The following CKAP2 variants were observed in gnomAD, a reference collection of about 807,000 sequenced individuals.
CKAP2 encodes the protein cytoskeleton-associated protein 2.
Under a neutral mutation model 58.4 loss-of-function variants are expected in CKAP2, and 46 were observed. The observed-to-expected ratio is 0.79, with a 90% CI of 0.62 to 1.01. The LOEUF (loss-of-function observed/expected upper bound fraction) is 1.01. CKAP2 is among the 50% of genes least tolerant of loss of function. The pLI is 0.00. For missense variants in CKAP2, 809 were observed against 796.4 expected (o/e 1.02, Z -0.19); for synonymous variants, 293 against 280.9 (o/e 1.04, Z -0.43).
At position 52,476,440 on chromosome 13, in the gene CKAP2, G is replaced by C. The variant is rs545242176; in HGVS notation, c.*1299G>C. 2.0e-5 allele frequency: 3 copies of C among 152,262 alleles called. No individual in the cohort carries two copies. Among genetic ancestry groups the C allele is most frequent in the African/African-American group, 7.2e-5 (3 of 41,560 alleles). 9.4% of individuals were successfully genotyped at this position (152,262 alleles called of 1,614,324 possible). A position where few individuals can be genotyped will look rare whatever the true frequency, so the allele number is the denominator to read the frequency against. On this transcript the variant is annotated 3_prime_UTR_variant, in exon 9 of 9. Transcript: ENST00000258607. ...TTTAGCTTTGCTTTTGAAATACATTGTAAGATTTGACTTGAGGTTTTTGAC... is the reference window on the plus strand; with the variant it reads ...TTTAGCTTTGCTTTTGAAATACATTCTAAGATTTGACTTGAGGTTTTTGAC...
intron 6 of CKAP2, 119 bp downstream of exon 6, chr13:52,465,584 T>C: frequency 1.2e-6 from 1 of 832,740 alleles, no homozygotes; most frequent in Non-Finnish European, 2.0e-6. Context: ...TGGTAATAAA[T>C]GTTTAAAGGC....
chr13:52,475,074 CTG>C lies in CKAP2; in HGVS notation c.1983_1984del (p.Asp662CysfsTer7). Reference sequence around the variant, plus strand: ...CAGCTAACGGAGTTGGGAAGAGAAACTGATGCTTTTGTATGCCGCCCTAATGC... The same window carrying C: ...CAGCTAACGGAGTTGGGAAGAGAAACATGCTTTTGTATGCCGCCCTAATGC... On this transcript the variant is annotated frameshift_variant, in exon 9 of 9. Coordinates refer to ENST00000258607, the MANE Select transcript of CKAP2 (RefSeq NM_018204.5). LOFTEE classifies it low-confidence loss of function (END_TRUNC). 1 of 1,614,196 alleles carries C rather than the reference CTG, an allele frequency of 6.2e-7. No individual in the cohort carries two copies. Among genetic ancestry groups the C allele is most frequent in the Non-Finnish European group, 8.5e-7 (1 of 1,180,030 alleles).
At position 52,461,436 on chromosome 13, in the gene CKAP2, A is replaced by G. The variant is rs1413096731; in HGVS notation, c.610A>G (p.Thr204Ala). 2 of 1,614,222 alleles carry G rather than the reference A, an allele frequency of 1.2e-6. No individual in the cohort carries two copies. Among genetic ancestry groups the G allele is most frequent in the South Asian group, 1.1e-5 (1 of 91,088 alleles). ...AGTCAAAGATGAGAGTTCTGCAGCA[A>G]CAAAGAAACTTTCAGCCACTATACC... ...LQVKDESSAATKKLSATIPKA... is the reference protein window; with the variant it reads ...LQVKDESSAAAKKLSATIPKA... The change falls in exon 4 of 9, where the codon ACA (threonine) becomes GCA (alanine). Residue 204 changes from threonine (T) to alanine (A), a missense_variant. By Grantham distance (58) the Thr-to-Ala change is moderately conservative. Coordinates refer to ENST00000258607, the MANE Select transcript of CKAP2 (RefSeq NM_018204.5).
rs377669665 is a variant in CKAP2, at chr13:52,474,031, G to A, written c.1749G>A (p.Thr583=). The change falls in exon 8 of 9, where the codon ACG becomes ACA. Residue 583 remains threonine (T), a synonymous_variant. Coordinates refer to ENST00000258607, the MANE Select transcript of CKAP2 (RefSeq NM_018204.5). ...ATGTTAAAACCCCCAATACAGAAACGAGGACAAGTTGCTTAATTAAATATA... is the reference window on the plus strand; with the variant it reads ...ATGTTAAAACCCCCAATACAGAAACAAGGACAAGTTGCTTAATTAAATATA... ...THDVKTPNTE[T]RTSCLIKYNV... 3 of 1,613,762 alleles carry A rather than the reference G, an allele frequency of 1.9e-6. No individual in the cohort carries two copies. The highest frequency in any genetic ancestry group is 2.7e-5 in the African/African-American group (2 of 74,914).
rs1594146686 is a variant in CKAP2 at position 52,474,969 on chromosome 13, G to A, written c.1877G>A (p.Arg626His). ...CTGAAGTTTTTAACACCAGTGAGAC[G>A]TTCTCGACGTCTTCAAGAGAAAACT... ...KELKFLTPVR[R>H]SRRLQEKTSK... is the part of the protein sequence containing the mutation. Residue 626 changes from arginine (R) to histidine (H), a missense_variant, in exon 9 of 9, where the codon CGT becomes CAT. Arg to His is a conservative substitution (Grantham distance 29, BLOSUM62 0). Transcript: ENST00000258607. 5 of 1,614,064 alleles carry A rather than the reference G, an allele frequency of 3.1e-6. No homozygotes were observed. Among genetic ancestry groups the A allele is most frequent in the African/African-American group, 2.7e-5 (2 of 75,032 alleles).
In CKAP2 at chr13:52,461,765, A is replaced by G. The variant is rs1265691085; in HGVS notation, c.939A>G (p.Leu313=). The G allele has an allele frequency of 2.5e-6, 4 of 1,614,048 alleles. No individual in the cohort carries two copies. In the South Asian group the frequency reaches 4.4e-5, roughly 18 times the overall value. The change falls in exon 4 of 9, where the codon CTA becomes CTG. Residue 313 remains leucine (L), a synonymous_variant. Coordinates refer to ENST00000258607, the MANE Select transcript of CKAP2 (RefSeq NM_018204.5). ...AAGGTATAATAAGAAATAAGACTCT[A>G]TCAAGATCCATAGCATCTGAAGTTA... ...SSQGIIRNKT[L]SRSIASEVIA...
chr13:52,465,175 C>G (rs1286363526), intron 5 of CKAP2, 120 bp from the exon 6 acceptor site: 1 of 760,512 alleles, frequency 1.3e-6, no homozygotes, highest in East Asian at 2.6e-5. Context: ...ACTAATGTTT[C>G]ATTTTTTTGC....
In CKAP2 at chr13:52,475,189, T is replaced by G; in HGVS notation, c.*48T>G. 1.3e-6 allele frequency: 2 copies of G among 1,591,500 alleles called. No individual in the cohort carries two copies. Among genetic ancestry groups the G allele is most frequent in the South Asian group, 2.3e-5 (2 of 88,040 alleles). ...AATGGGGTTTTTATTATTTGTGGGG[T>G]GTTTTGTTTTGAGTAGCTTTATATT... On this transcript the variant is annotated 3_prime_UTR_variant, in exon 9 of 9. Coordinates refer to ENST00000258607, the MANE Select transcript of CKAP2 (RefSeq NM_018204.5).
At chr13:52,464,352 A>AGACCAGCCTGGCCAACATGGTAAAAC (rs1375164947) in intron 5 of CKAP2, among the ~76,000 whole-genome samples, 1 of 152,184 alleles carries the variant, frequency 6.6e-6, no homozygotes, top group Non-Finnish European at 1.5e-5. Flanking sequence ...CAGGAGTTTG[A>AGACCAGCCTGGCCAACATGGTAAAAC]GACCAGCCTG....
rs1025202269 is a variant in CKAP2 at position 52,455,982 on chromosome 13, C to T, written c.70+356C>T. 3 of 1,089,222 alleles carry T rather than the reference C, an allele frequency of 2.8e-6. No homozygotes were observed. In the African/African-American group the frequency reaches 5.0e-5, roughly 18 times the overall value. 67.5% of individuals were successfully genotyped at this position (1,089,222 alleles called of 1,614,324 possible). On this transcript the variant is annotated intron_variant, in intron 1 of 8. Coordinates refer to ENST00000258607, the MANE Select transcript of CKAP2 (RefSeq NM_018204.5). Reference sequence around the variant, plus strand: ...GGTTCAGGGACCGACTGCGCCTGCGCTGGGTCCTCCGCCTCTTAGGTCCCT... The same window carrying T: ...GGTTCAGGGACCGACTGCGCCTGCGTTGGGTCCTCCGCCTCTTAGGTCCCT...
chr13:52,469,582 T>TAAAGTATCATAGTCTATGACACA (rs1566104055), intron 7 of CKAP2, among the ~76,000 whole-genome samples: 1 of 145,244 alleles, frequency 6.9e-6, no homozygotes, highest in Non-Finnish European at 1.5e-5. Flanking sequence ...ATAATATTTA[T>TAAAGTATCATAGTCTATGACACA]TTATTTATTT....
Position 52,461,136 on chromosome 13 carries a change from C to T in CKAP2, c.310C>T (p.Pro104Ser). Reference protein sequence around the residue: ...VVGKHCIPLKPSNELTNSTVV... With the variant: ...VVGKHCIPLKSSNELTNSTVV... ...GGGGAAACATTGTATTCCTTTAAAA[C>T]CTTCAAATGAACTAACCAATTCAAC... The change falls in exon 4 of 9, where the codon CCT (proline) becomes TCT (serine). Residue 104 changes from proline to serine, a missense_variant. By Grantham distance (74) the Pro-to-Ser change is moderately conservative (BLOSUM62 -1). Around this residue, in one of 3 missense-constraint regions of CKAP2, gnomAD observed 523 missense variants for 492.4 expected, o/e 1.06. Coordinates refer to ENST00000258607, the MANE Select transcript of CKAP2 (RefSeq NM_018204.5). The T allele has an allele frequency of 1.9e-6, 3 of 1,612,722 alleles. No homozygotes were observed. The highest frequency in any genetic ancestry group is 2.5e-6 in the Non-Finnish European group (3 of 1,179,632).
intron 5 of CKAP2, 112 bp downstream of exon 5, chr13:52,462,679 A>G (rs1027656013): frequency 9.0e-6 from 7 of 779,874 alleles, no homozygotes; most frequent in South Asian, 7.3e-5. Flanking sequence ...TGGTGATACT[A>G]TGTTGACTTA....
rs150469542 is a variant in CKAP2 at position 52,455,985 on chromosome 13, G to T, written c.70+359G>T. The T allele has an allele frequency of 9.4e-3, 10,182 of 1,087,164 alleles. 66 individuals are homozygous for T. The highest frequency in any genetic ancestry group is 0.011 in the Non-Finnish European group (9,453 of 898,666). The allele number at this position is 1,087,164 out of a possible 1,614,324, so 67.3% of individuals were successfully genotyped here. On this transcript the variant is annotated intron_variant, in intron 1 of 8. Transcript: ENST00000258607. The stretch of plus-strand genomic sequence containing the variant: ...TCAGGGACCGACTGCGCCTGCGCTG[G>T]GTCCTCCGCCTCTTAGGTCCCTAGC...
At chr13:52,466,713 C>A (rs1353392764) in intron 6 of CKAP2, among the ~76,000 whole-genome samples, 2 of 152,176 alleles carry the variant, frequency 1.3e-5, no homozygotes, top group Non-Finnish European at 2.9e-5. Flanking sequence ...TAGTGGATAC[C>A]TATAGTCTCA....
At chr13:52,463,691 G>A (rs930880700) in intron 5 of CKAP2, among the ~76,000 whole-genome samples, 8 of 152,142 alleles carry the variant, frequency 5.3e-5, no homozygotes, top group African/African-American at 7.2e-5. Flanking sequence ...AGCAGTTGAG[G>A]GACCAGGAAG....
At chr13:52,458,839 A>G (rs1402580710) in intron 2 of CKAP2, among the ~76,000 whole-genome samples, 1 of 151,938 alleles carries the variant, frequency 6.6e-6, no homozygotes, top group East Asian at 1.9e-4. Flanking sequence ...CCTGGGTGAC[A>G]AGAGCGAGAC....
Position 52,474,908 on chromosome 13 carries a change from G to A in CKAP2, c.1816G>A (p.Val606Met). The A allele has an allele frequency of 6.2e-7, 1 of 1,608,054 alleles. No individual in the cohort carries two copies. Among genetic ancestry groups the A allele is most frequent in the Non-Finnish European group, 8.5e-7 (1 of 1,175,536 alleles). The change falls in exon 9 of 9, where the codon GTG (valine) becomes ATG (methionine). Residue 606 changes from valine to methionine, a missense_variant. Val to Met is a conservative substitution (Grantham distance 21). Around this residue, in one of 3 missense-constraint regions of CKAP2, gnomAD observed 283 missense variants for 287.6 expected, o/e 0.98. Transcript: ENST00000258607. ...TTTAATTTTCAGTGTGAAAAAAAAG[G>A]TGCAGTTTGATGGAACAAATTCCGC... The part of the protein sequence containing the change: ...TPYLQSVKKK[V>M]QFDGTNSAFK...
intron 4 of CKAP2, 125 bp downstream of exon 4, chr13:52,462,051 C>A: frequency 1.1e-6 from 1 of 893,408 alleles, no homozygotes; most frequent in South Asian, 2.3e-5. Flanking sequence ...CATATGCAGG[C>A]AAATTTATAT....
Sources: allele counts gnomAD v4.1 joint callset (sites outside exome capture counted in the v4.1 genomes callset), GRCh38; gene constraint gnomAD v4.1.1; regional missense constraint gnomAD v4.1.1; transcripts MANE v1.5; gene names NCBI Gene and HGNC (gene_info 2026-07-23, HGNC 2026-07-21).